The following TEX9 variants were observed in gnomAD, a reference collection of about 807,000 sequenced individuals.
TEX9 encodes testis expressed 9.
Under a neutral mutation model 59.6 loss-of-function variants are expected in TEX9, and 74 were observed. The ratio of observed to expected loss-of-function variants is 1.24; its 90% CI spans 1.03 to 1.51. The LOEUF (loss-of-function observed/expected upper bound fraction) is 1.51, where lower values mean the gene tolerates loss of function less well. Among genes scored for constraint, TEX9 ranks in the 40% most tolerant of loss-of-function variants. TEX9 has a pLI of 0.00. For missense variants in TEX9, 522 were observed against 447.8 expected (o/e 1.17, Z -1.49); for synonymous variants, 186 against 152.2 (o/e 1.22, Z -1.64).
chr15:56,431,326 A>C (rs1470552345), intron 12 of TEX9: 1 of 1,580,444 alleles, frequency 6.3e-7, no homozygotes, highest in Non-Finnish European at 8.6e-7. Context: ...TGTTTTTTTC[A>C]CTATTACAGG....
chr15:56,403,602 G>T (rs1177787724), intron 9 of TEX9, among the ~76,000 whole-genome samples: 1 of 152,220 alleles, frequency 6.6e-6, no homozygotes, highest in Non-Finnish European at 1.5e-5. Context: ...AGCTACCAAT[G>T]ACTTTCTTCA....
At chr15:56,406,552 TAC>T (rs1189804125) in intron 9 of TEX9, among the ~76,000 whole-genome samples, 8 of 152,200 alleles carry the variant, frequency 5.3e-5, no homozygotes, top group Non-Finnish European at 1.5e-5. Context: ...TGTACCATTT[TAC>T]ATTCCCACTA....
chr15:56,257,893 G>A (rs1382905186), intron 1 of TEX9, among the ~76,000 whole-genome samples: 2 of 151,976 alleles, frequency 1.3e-5, no homozygotes, highest in African/African-American at 2.4e-5. Flanking sequence ...GTATTGCCTA[G>A]GTTTTCTTCT....
At chr15:56,436,228 T>G (rs529659937) in intron 12 of TEX9, among the ~76,000 whole-genome samples, 2 of 152,164 alleles carry the variant, frequency 1.3e-5, no homozygotes, top group African/African-American at 2.4e-5. Context: ...TCAGCAAATG[T>G]AAAAGAACAG....
intron 12 of TEX9, among the ~76,000 whole-genome samples, chr15:56,430,675 G>A (rs2050564853): frequency 6.6e-6 from 1 of 152,038 alleles, no homozygotes; most frequent in Admixed American, 6.5e-5. Context: ...CAGTGACAAT[G>A]TTTTCATACA....
chr15:56,381,284 G>A (rs954336414), intron 3 of TEX9, among the ~76,000 whole-genome samples: 1 of 152,092 alleles, frequency 6.6e-6, no homozygotes, highest in Admixed American at 6.6e-5. Context: ...AAATTTATCT[G>A]ATAGAATTTT....
intron 12 of TEX9, among the ~76,000 whole-genome samples, chr15:56,433,170 C>T (rs1313771316): frequency 2.7e-5 from 4 of 148,114 alleles, no homozygotes; most frequent in African/African-American, 9.9e-5. Flanking sequence ...ATACTCTTTC[C>T]TTAGGATGTC....
chr15:56,423,749 C>T (rs1319046665), intron 10 of TEX9, among the ~76,000 whole-genome samples: 1 of 152,106 alleles, frequency 6.6e-6, no homozygotes, highest in Middle Eastern at 3.2e-3. Flanking sequence ...CCATATTTGT[C>T]TGTTCTGGTA....
intron 1 of TEX9, among the ~76,000 whole-genome samples, chr15:56,288,173 A>G (rs2044998116): frequency 6.6e-6 from 1 of 152,114 alleles, no homozygotes; most frequent in African/African-American, 2.4e-5. Flanking sequence ...TTTTCTCCAC[A>G]TTCTTGCCCA....
chr15:56,252,833 G>A (rs934959214), intron 1 of TEX9, among the ~76,000 whole-genome samples: 19 of 152,050 alleles, frequency 1.2e-4, no homozygotes, highest in Admixed American at 6.6e-4. Flanking sequence ...GCTTCTCTGA[G>A]CCTCAGTTTT....
chr15:56,347,917 TA>T lies in TEX9; in HGVS notation c.-106-25516del, dbSNP rs1165143681. Among the ~76,000 whole-genome samples the T allele has an allele frequency of 1.1e-3, 165 of 151,808 alleles. 1 individual carries two copies. Among genetic ancestry groups the T allele is most frequent in the African/African-American group, 3.6e-3 (151 of 41,450 alleles). On this transcript the variant is annotated intron_variant, in intron 1 of 5. Coordinates refer to the TEX9 transcript ENST00000560827. ...ATAATGAGCTCTTAAAACCCAACAGTAAAAAAAATCAATCCAATTTAAATAT... is the reference window on the plus strand; with the variant it reads ...ATAATGAGCTCTTAAAACCCAACAGTAAAAAAATCAATCCAATTTAAATAT...
chr15:56,375,026 C>G (rs1200371066), intron 3 of TEX9, among the ~76,000 whole-genome samples: 1 of 152,060 alleles, frequency 6.6e-6, no homozygotes, highest in Non-Finnish European at 1.5e-5. Context: ...GCAGATATCT[C>G]TTTGATATAT....
At chr15:56,345,083 A>G (rs1219348570) in intron 1 of TEX9, among the ~76,000 whole-genome samples, 1 of 148,786 alleles carries the variant, frequency 6.7e-6, no homozygotes, top group Non-Finnish European at 1.5e-5. Flanking sequence ...ATATGTATAT[A>G]TATATATGTA....
At chr15:56,335,196 A>G (rs1259473145) in intron 1 of TEX9, among the ~76,000 whole-genome samples, 1 of 152,120 alleles carries the variant, frequency 6.6e-6, no homozygotes, top group Non-Finnish European at 1.5e-5. Context: ...AGGTATCTAC[A>G]CTCTCATGTT....
intron 12 of TEX9, among the ~76,000 whole-genome samples, chr15:56,439,842 G>A (rs1274385507): frequency 6.7e-6 from 1 of 149,194 alleles, no homozygotes; most frequent in East Asian, 1.9e-4. Context: ...ACTAGGCGAA[G>A]AGTTTCTAGA....
At chr15:56,443,862 G>T (rs778507458) in intron 12 of TEX9, 24 of 1,575,938 alleles carry the variant, frequency 1.5e-5, no homozygotes, top group Admixed American at 3.5e-5. Context: ...TCCCTGAAAA[G>T]CAATAACAAG....
At chr15:56,359,918 A>T (rs1450344178) in intron 1 of TEX9, among the ~76,000 whole-genome samples, 1 of 152,144 alleles carries the variant, frequency 6.6e-6, no homozygotes, top group African/African-American at 2.4e-5. Flanking sequence ...CTGTAGTCCT[A>T]GTTTTCTGAG....
Position 56,391,226 on chromosome 15 carries a change from T to TAATA in TEX9, c.396-14_396-13insAAAT. 6.6e-7 allele frequency: 1 copy of TAATA among 1,516,232 alleles called. No individual in the cohort carries two copies. Among genetic ancestry groups the TAATA allele is most frequent in the Non-Finnish European group, 8.8e-7 (1 of 1,133,464 alleles). 93.9% of individuals were successfully genotyped at this position (1,516,232 alleles called of 1,614,324 possible). On this transcript the variant is annotated splice_polypyrimidine_tract_variant and intron_variant, in intron 6 of 12. Transcript: ENST00000352903. ...GTACGTATATACATACATATGTATT[T>TAATA]AATTTTTATTTTTTAGTGTTAAATT...
intron 1 of TEX9, among the ~76,000 whole-genome samples, chr15:56,251,148 G>GACCC: frequency 6.6e-6 from 1 of 152,306 alleles, no homozygotes; most frequent in South Asian, 2.1e-4. Context: ...TATTCCCAAG[G>GACCC]ATGAATTTCT....
Sources: allele counts gnomAD v4.1 joint callset (sites outside exome capture counted in the v4.1 genomes callset), GRCh38; gene constraint gnomAD v4.1.1; transcripts MANE v1.5; gene names NCBI Gene and HGNC (gene_info 2026-07-23, HGNC 2026-07-21).